The following OTC variants were observed in gnomAD, a reference collection of about 807,000 sequenced individuals.
OTC encodes the protein ornithine transcarbamylase, mitochondrial.
Under a neutral mutation model 30.3 loss-of-function variants are expected in OTC, and 3 were observed. The ratio of observed to expected loss-of-function variants is 0.10; its 90% CI spans 0.05 to 0.26. The LOEUF is 0.26. OTC is among the 10% of genes least tolerant of loss of function. The probability of loss-of-function intolerance (pLI) is 1.00; values close to 1 mark genes in which losing one functional copy is unlikely to be tolerated. For missense variants in OTC, 194 were observed against 260.3 expected (o/e 0.75, Z 1.75); for synonymous variants, 111 against 99.7 (o/e 1.11, Z -0.67).
intron 4 of OTC, among the ~76,000 whole-genome samples, chrX:38,385,764 A>C (rs2068399597): frequency 8.9e-6 from 1 of 112,123 alleles, no homozygotes; most frequent in Non-Finnish European, 1.9e-5. Context: ...TCCTAAATAC[A>C]CATTCAAAAT....
intron 4 of OTC, among the ~76,000 whole-genome samples, chrX:38,396,956 T>C (rs998520663): frequency 9.0e-6 from 1 of 111,571 alleles, no homozygotes; most frequent in African/African-American, 3.3e-5. Context: ...TGTTTATTCA[T>C]GGTACAGTTT....
chrX:38,329,937 T>C, the OTC span, among the ~76,000 whole-genome samples: 2 of 112,108 alleles, frequency 1.8e-5, no homozygotes, highest in Non-Finnish European at 3.8e-5. Flanking sequence ...GCTCCCACCC[T>C]GTACTTTAGT....
chrX:38,345,173 G>A, the OTC span, among the ~76,000 whole-genome samples: 1,090 of 112,046 alleles, frequency 9.7e-3, 18 homozygotes, highest in African/African-American at 0.033. Context: ...TTGTGAAACC[G>A]CCTTTGCAAA....
At chrX:38,397,985 G>T (rs1474822847) in intron 4 of OTC, among the ~76,000 whole-genome samples, 3 of 112,120 alleles carry the variant, frequency 2.7e-5, no homozygotes, top group East Asian at 2.8e-4. Context: ...GTTGCAACCT[G>T]AATAAAGCCA....
At chrX:38,351,568 A>G (rs1231866886), upstream of OTC, among the ~76,000 whole-genome samples, 1 of 111,658 alleles carries the variant, frequency 9.0e-6, no homozygotes, top group Non-Finnish European at 1.9e-5. Flanking sequence ...GCAGCTCGGT[A>G]TCTGATACAG....
At chrX:38,329,848 A>G in the OTC span, among the ~76,000 whole-genome samples, 3 of 111,791 alleles carry the variant, frequency 2.7e-5, no homozygotes, top group Admixed American at 2.8e-4. Flanking sequence ...GCACCAAGTA[A>G]CCAGTGGGAA....
intron 1 of OTC, among the ~76,000 whole-genome samples, chrX:38,359,096 A>G (rs1381248474): frequency 8.9e-6 from 1 of 111,951 alleles, no homozygotes; most frequent in Non-Finnish European, 1.9e-5. Context: ...AGTGTAGTCC[A>G]CTATTACTGT....
chrX:38,393,406 A>G (rs889759205), intron 4 of OTC, among the ~76,000 whole-genome samples: 1 of 112,436 alleles, frequency 8.9e-6, no homozygotes. Context: ...TTGTTTTTTT[A>G]TTCTTAAATC....
At chrX:38,374,101 T>C (rs113573037) in intron 3 of OTC, among the ~76,000 whole-genome samples, 3,272 of 111,237 alleles carry the variant, frequency 0.029, 121 homozygotes, top group African/African-American at 0.1. Context: ...GAGGCGGAGC[T>C]TGCAGTGAGC....
chrX:38,396,641 C>T (rs1297941215), intron 4 of OTC, among the ~76,000 whole-genome samples: 3 of 110,755 alleles, frequency 2.7e-5, no homozygotes, highest in Non-Finnish European at 5.7e-5. Flanking sequence ...GGCGTAGTGG[C>T]GCATGCCTCT....
the OTC span, among the ~76,000 whole-genome samples, chrX:38,346,533 C>T: frequency 3.6e-5 from 4 of 112,323 alleles, no homozygotes; most frequent in South Asian, 1.5e-3. Context: ...TTACAAACTC[C>T]TCAAGCGGGA....
the OTC span, among the ~76,000 whole-genome samples, chrX:38,331,276 C>CAGAG: frequency 2.8e-5 from 3 of 108,641 alleles, no homozygotes; most frequent in East Asian, 5.7e-4. Flanking sequence ...TTTTTTGAGA[C>CAGAG]AGAGTTTCCC....
intron 7 of OTC, 34 bp from the exon 8 acceptor site, chrX:38,408,842 G>A (rs2068528942): frequency 8.3e-7 from 1 of 1,209,592 alleles, no homozygotes; most frequent in Non-Finnish European, 1.1e-6. Context: ...ACTGTCCCAT[G>A]AAGTTATTTA....
At chrX:38,329,251 G>T in the OTC span, among the ~76,000 whole-genome samples, 5 of 111,272 alleles carry the variant, frequency 4.5e-5, no homozygotes, top group African/African-American at 1.6e-4. Context: ...CGACATTGGA[G>T]TTAGGTAAAT....
intron 4 of OTC, among the ~76,000 whole-genome samples, chrX:38,393,627 T>G (rs2147337126): frequency 8.9e-6 from 1 of 112,066 alleles, no homozygotes; most frequent in Non-Finnish European, 1.9e-5. Context: ...TGGGAACGGG[T>G]TGCTAAATTC....
chrX:38,410,452 T>C (rs1007435924), intron 8 of OTC, among the ~76,000 whole-genome samples: 3 of 112,339 alleles, frequency 2.7e-5, no homozygotes, highest in Non-Finnish European at 5.6e-5. Context: ...ACATTTTTAA[T>C]TTTTCTAAAT....
intron 1 of OTC, 102 bp from the exon 2 acceptor site, chrX:38,367,188 AG>A: frequency 1.2e-5 from 8 of 686,577 alleles, no homozygotes; most frequent in Non-Finnish European, 4.3e-6. Context: ...AAAAAAAAAA[AG>A]AAAAGAAAAG....
intron 4 of OTC, 37 bp from the exon 5 acceptor site, chrX:38,401,238 A>G: frequency 9.1e-7 from 1 of 1,093,875 alleles, no homozygotes; most frequent in South Asian, 1.9e-5. Context: ...TATTAAGCAT[A>G]ATTATCTTAG....
At chrX:38,371,652 T>C (rs939340751) in intron 3 of OTC, among the ~76,000 whole-genome samples, 18 of 111,775 alleles carry the variant, frequency 1.6e-4, no homozygotes, top group African/African-American at 5.9e-4. Flanking sequence ...TTAATACAGA[T>C]AGCACCAAGA....
Sources: gnomAD v4.1 joint callset for allele counts (sites outside exome capture counted in the v4.1 genomes callset) on GRCh38, gnomAD v4.1.1 for gene constraint, MANE v1.5 for transcripts, NCBI Gene and HGNC (gene_info 2026-07-23, HGNC 2026-07-21) for gene names.